The following KLHL1 variants were observed in gnomAD, a reference collection of about 807,000 sequenced individuals.
The protein encoded by KLHL1 is kelch-like protein 1.
Under a neutral mutation model 77.7 loss-of-function variants are expected in KLHL1, and 47 were observed. That is an observed-to-expected ratio of 0.60 (90% CI 0.48 to 0.77). The LOEUF is 0.77. Among genes scored for constraint, KLHL1 ranks in the 30% least tolerant of loss-of-function variants. The probability of loss-of-function intolerance (pLI) is 0.00; values close to 1 mark genes in which losing one functional copy is unlikely to be tolerated. For missense variants in KLHL1, 925 were observed against 910.8 expected, an observed-to-expected ratio of 1.02 and a Z score of -0.20; for synonymous variants, 360 against 325.2, an observed-to-expected ratio of 1.11 and a Z score of -1.15.
intron 8 of KLHL1, among the ~76,000 whole-genome samples, chr13:69,724,047 A>G (rs1873189112): frequency 6.6e-6 from 1 of 152,000 alleles, no homozygotes; most frequent in South Asian, 2.1e-4. Context: ...CATATTGGCC[A>G]GGATGGTCCG....
chr13:70,011,173 G>T (rs1885525630), intron 1 of KLHL1, among the ~76,000 whole-genome samples: 1 of 152,014 alleles, frequency 6.6e-6, no homozygotes, highest in Admixed American at 6.6e-5. Flanking sequence ...AAGCTAAGAA[G>T]ACTTTGCCAG....
chr13:69,764,490 C>A (rs1272236238), intron 7 of KLHL1, among the ~76,000 whole-genome samples: 1 of 152,002 alleles, frequency 6.6e-6, no homozygotes, highest in Non-Finnish European at 1.5e-5. Context: ...AGAGATATGA[C>A]CTTATCTATA....
chr13:69,906,422 G>T (rs1243541654), intron 4 of KLHL1, among the ~76,000 whole-genome samples: 1 of 151,852 alleles, frequency 6.6e-6, no homozygotes, highest in Non-Finnish European at 1.5e-5. Flanking sequence ...CTTGATTAAG[G>T]TATCGGCTGT....
chr13:70,035,952 G>A, intron 1 of KLHL1, among the ~76,000 whole-genome samples: 1 of 151,932 alleles, frequency 6.6e-6, no homozygotes, highest in South Asian at 2.1e-4. Flanking sequence ...CATTGCTTTA[G>A]CAATTATGTA....
chr13:69,797,093 A>G, intron 6 of KLHL1, 131 bp from the exon 7 acceptor site: 1 of 702,164 alleles, frequency 1.4e-6, no homozygotes, highest in Non-Finnish European at 2.4e-6. Flanking sequence ...AAAGTGGCAG[A>G]AAAACAAAAG....
At chr13:69,929,534 AATTACTTGG>A (rs1170223558) in intron 4 of KLHL1, among the ~76,000 whole-genome samples, 6 of 151,810 alleles carry the variant, frequency 4.0e-5, no homozygotes, top group Non-Finnish European at 5.9e-5. Context: ...ACCTAGTTGG[AATTACTTGG>A]ATTACTTATG....
chr13:69,780,332 C>A (rs909576408), intron 7 of KLHL1, among the ~76,000 whole-genome samples: 1 of 151,902 alleles, frequency 6.6e-6, no homozygotes. Context: ...AATTTTGTTT[C>A]CTTGTGAAAA....
At chr13:69,998,439 G>A (rs80291493) in intron 1 of KLHL1, among the ~76,000 whole-genome samples, 1,938 of 152,034 alleles carry the variant, frequency 0.013, 18 homozygotes, top group Non-Finnish European at 0.021. Context: ...TGGGGACTAG[G>A]AATCAACTGT....
At chr13:70,068,235 G>C (rs1164919422) in intron 1 of KLHL1, among the ~76,000 whole-genome samples, 2 of 152,004 alleles carry the variant, frequency 1.3e-5, no homozygotes, top group African/African-American at 2.4e-5. Flanking sequence ...CAGCTACTCG[G>C]GAGGCTGAGG....
intron 3 of KLHL1, among the ~76,000 whole-genome samples, chr13:69,954,617 T>G (rs1278561280): frequency 1.3e-5 from 2 of 151,304 alleles, no homozygotes; most frequent in Non-Finnish European, 3.0e-5. Context: ...TCCTAAATAT[T>G]AAAAGTCACC....
At chr13:69,705,784 G>A (rs1419994393) in intron 10 of KLHL1, among the ~76,000 whole-genome samples, 1 of 151,474 alleles carries the variant, frequency 6.6e-6, no homozygotes, top group Admixed American at 6.6e-5. Flanking sequence ...ATCCAAAAAA[G>A]TATAATAAAA....
chr13:69,726,606 G>T (rs769129390), intron 8 of KLHL1, among the ~76,000 whole-genome samples: 39 of 151,604 alleles, frequency 2.6e-4, no homozygotes, highest in Non-Finnish European at 4.6e-4. Context: ...AGCCTGATAG[G>T]GTCTACCTAC....
chr13:69,815,869 T>C (rs1878098466), intron 6 of KLHL1, among the ~76,000 whole-genome samples: 1 of 151,816 alleles, frequency 6.6e-6, no homozygotes, highest in Non-Finnish European at 1.5e-5. Context: ...CATCTAAATA[T>C]AAAATATATC....
At chr13:69,735,574 CAT>C (rs1225911922) in intron 8 of KLHL1, among the ~76,000 whole-genome samples, 2 of 149,158 alleles carry the variant, frequency 1.3e-5, no homozygotes, top group Non-Finnish European at 3.0e-5. Context: ...TAAATAAACA[CAT>C]AATATGTAAA....
intron 1 of KLHL1, among the ~76,000 whole-genome samples, chr13:70,036,791 T>A (rs9572343): frequency 0.18 from 26,446 of 148,584 alleles, 2,930 homozygotes; most frequent in East Asian, 0.57. Flanking sequence ...TCCTTTTACG[T>A]TTTTCTTTCT....
rs995359881 is a variant in KLHL1 at position 69,829,405 on chromosome 13, A to G, written c.1414+9571T>C. On this transcript the variant is annotated intron_variant, in intron 6 of 10. Transcript: ENST00000377844. ...AGGGGAAAGAGGAGAGCACCACATC[A>G]AGGAATCACTGTGCAGGACAAAATA... Among the ~76,000 whole-genome samples, 52 of 150,210 alleles carry G rather than the reference A, an allele frequency of 3.5e-4. 1 individual carries two copies. Among genetic ancestry groups the G allele is most frequent in the Non-Finnish European group, 4.7e-4 (32 of 67,778 alleles).
chr13:70,073,823 C>T (rs1163135394), intron 1 of KLHL1, among the ~76,000 whole-genome samples: 2 of 145,690 alleles, frequency 1.4e-5, no homozygotes, highest in East Asian at 4.1e-4. Flanking sequence ...GGAGAGCAAA[C>T]ATAATTTTCT....
chr13:69,957,388 C>T (rs76916335), intron 3 of KLHL1, among the ~76,000 whole-genome samples: 1,571 of 151,762 alleles, frequency 0.01, 27 homozygotes, highest in African/African-American at 0.035. Context: ...TATCAGTTTT[C>T]TATACAGATG....
At chr13:70,042,496 C>T (rs1886400009) in intron 1 of KLHL1, among the ~76,000 whole-genome samples, 1 of 152,106 alleles carries the variant, frequency 6.6e-6, no homozygotes, top group Admixed American at 6.6e-5. Flanking sequence ...CTGCTATCAC[C>T]TGGTGACACT....
Sources: gnomAD v4.1 joint callset for allele counts (sites outside exome capture counted in the v4.1 genomes callset) on GRCh38, gnomAD v4.1.1 for gene constraint, MANE v1.5 for transcripts, NCBI Gene and HGNC (gene_info 2026-07-23, HGNC 2026-07-21) for gene names.